Variants in RBFOX1 observed in about 807,000 individuals in gnomAD.
RBFOX1 encodes RNA binding fox-1 homolog 1.
RBFOX1 carries 8 observed loss-of-function variants against 57.7 expected under a neutral mutation model. The ratio of observed to expected loss-of-function variants is 0.14; its 90% CI spans 0.08 to 0.25. The LOEUF (loss-of-function observed/expected upper bound fraction) is 0.25. RBFOX1 is among the 10% of genes least tolerant of loss of function. The pLI is 1.00. For missense variants in RBFOX1, 611 were observed against 548.5 expected (o/e 1.11, Z -1.14); for synonymous variants, 326 against 222.4 (o/e 1.47, Z -4.15).
chr16:5,478,601 C>T (rs1175395480), intron 2 of RBFOX1, among the ~76,000 whole-genome samples: 1 of 152,160 alleles, frequency 6.6e-6, no homozygotes. Flanking sequence ...TAATATGACC[C>T]CCCAAGATTC....
chr16:5,888,335 C>CT (rs1463823000), intron 4 of RBFOX1, among the ~76,000 whole-genome samples: 3 of 152,126 alleles, frequency 2.0e-5, no homozygotes, highest in Non-Finnish European at 4.4e-5. Context: ...TTCTACAAAG[C>CT]TTTTTTTCTT....
chr16:7,201,094 A>G, intron 4 of RBFOX1, among the ~76,000 whole-genome samples: 1 of 152,204 alleles, frequency 6.6e-6, no homozygotes, highest in South Asian at 2.1e-4. Context: ...TTATTTCTGA[A>G]TGTAAAAATT....
intron 2 of RBFOX1, among the ~76,000 whole-genome samples, chr16:6,336,884 C>A (rs1252458082): frequency 6.6e-6 from 1 of 152,112 alleles, no homozygotes; most frequent in Non-Finnish European, 1.5e-5. Flanking sequence ...TTAAAAAGAG[C>A]CTAGTCAGAG....
At chr16:7,626,832 T>G (rs565133722) in intron 10 of RBFOX1, among the ~76,000 whole-genome samples, 1 of 152,220 alleles carries the variant, frequency 6.6e-6, no homozygotes, top group Non-Finnish European at 1.5e-5. Context: ...TAAAAATGTA[T>G]TATAATTCAA....
At chr16:6,862,327 G>T (rs781277510) in intron 3 of RBFOX1, among the ~76,000 whole-genome samples, 1 of 152,156 alleles carries the variant, frequency 6.6e-6, no homozygotes. Context: ...GCTCACAGGC[G>T]ATGCTGATCG....
intron 10 of RBFOX1, among the ~76,000 whole-genome samples, chr16:7,611,803 G>A (rs994670245): frequency 1.3e-5 from 2 of 151,944 alleles, no homozygotes; most frequent in Non-Finnish European, 2.9e-5. Flanking sequence ...TATTTTGGAT[G>A]GTTTTTCTTT....
In RBFOX1 at chr16:7,282,611, G is replaced by C. The variant is rs1237697253; in HGVS notation, c.27+230513G>C. Among the ~76,000 whole-genome samples the C allele has an allele frequency of 2.6e-5, 4 of 151,780 alleles. 1 individual carries two copies. The highest frequency in any genetic ancestry group is 5.9e-5 in the Non-Finnish European group (4 of 67,978). On this transcript the variant is annotated intron_variant, in intron 4 of 15. Transcript: ENST00000550418. ...TAAAAAATTTTTCCATAGGTTATTG[G>C]GGGAACAGGTGGTGTTTGATTTCAT...
chr16:5,363,956 A>G (rs1378995995), intron 1 of RBFOX1, among the ~76,000 whole-genome samples: 3 of 152,198 alleles, frequency 2.0e-5, no homozygotes, highest in Non-Finnish European at 4.4e-5. Context: ...CTGCTTTGCC[A>G]TCTAGTCAGA....
chr16:5,868,699 G>C (rs1457521693), intron 4 of RBFOX1, among the ~76,000 whole-genome samples: 2 of 152,176 alleles, frequency 1.3e-5, no homozygotes, highest in African/African-American at 4.8e-5. Context: ...CAAGGATAGG[G>C]CAGAGATGAG....
intron 3 of RBFOX1, among the ~76,000 whole-genome samples, chr16:5,818,909 C>T (rs1020293142): frequency 6.6e-6 from 1 of 152,170 alleles, no homozygotes; most frequent in African/African-American, 2.4e-5. Flanking sequence ...AAATACATCA[C>T]CTTTGACTCA....
chr16:5,628,692 C>G (rs554474561), intron 3 of RBFOX1, among the ~76,000 whole-genome samples: 11 of 152,190 alleles, frequency 7.2e-5, no homozygotes, highest in African/African-American at 2.7e-4. Context: ...TATTACAGTC[C>G]TTGATATCAA....
chr16:7,571,997 C>T (rs556011089), intron 5 of RBFOX1, among the ~76,000 whole-genome samples: 2 of 152,294 alleles, frequency 1.3e-5, no homozygotes, highest in East Asian at 1.9e-4. Flanking sequence ...CTTGGTGGCA[C>T]ATGCCTGTAG....
intron 4 of RBFOX1, among the ~76,000 whole-genome samples, chr16:7,221,362 TA>T (rs1002990301): frequency 3.3e-5 from 5 of 150,902 alleles, no homozygotes; most frequent in Middle Eastern, 3.4e-3. Flanking sequence ...TTTATTTATT[TA>T]TTTTTTTATT....
At chr16:7,363,817 C>G (rs563981306) in intron 4 of RBFOX1, among the ~76,000 whole-genome samples, 1 of 152,154 alleles carries the variant, frequency 6.6e-6, no homozygotes, top group South Asian at 2.1e-4. Context: ...CCCAGAATCT[C>G]CCGTCAGTCT....
At chr16:7,033,293 G>C (rs989136204) in intron 3 of RBFOX1, among the ~76,000 whole-genome samples, 1 of 152,188 alleles carries the variant, frequency 6.6e-6, no homozygotes. Flanking sequence ...GCCGAGGCGG[G>C]CAGATCACCC....
intron 5 of RBFOX1, among the ~76,000 whole-genome samples, chr16:7,556,671 C>T (rs9930303): frequency 0.28 from 42,562 of 151,982 alleles, 6,746 homozygotes; most frequent in Non-Finnish European, 0.36. Context: ...TTCTAGGACC[C>T]ACTCTCCTAT....
intron 3 of RBFOX1, among the ~76,000 whole-genome samples, chr16:5,775,038 C>G (rs1258490863): frequency 6.6e-6 from 1 of 151,976 alleles, no homozygotes; most frequent in African/African-American, 2.4e-5. Context: ...TTCCCTAAAC[C>G]AAATCTCACA....
intron 5 of RBFOX1, among the ~76,000 whole-genome samples, chr16:7,578,367 T>G (rs187444353): frequency 1.3e-5 from 2 of 152,344 alleles, no homozygotes; most frequent in Non-Finnish European, 2.9e-5. Context: ...AGTCAACTGG[T>G]AGGTCTTTTG....
intron 14 of RBFOX1, among the ~76,000 whole-genome samples, chr16:7,698,124 C>G (rs1391667757): frequency 1.3e-5 from 2 of 151,942 alleles, no homozygotes; most frequent in Non-Finnish European, 2.9e-5. Context: ...TAACAATATG[C>G]TAGTCCCTGA....
Sources: allele counts gnomAD v4.1 joint callset (sites outside exome capture counted in the v4.1 genomes callset), GRCh38; gene constraint gnomAD v4.1.1; transcripts MANE v1.5; gene names NCBI Gene and HGNC (gene_info 2026-07-23, HGNC 2026-07-21).